Variants in FLI1 observed in about 807,000 individuals in gnomAD.
FLI1 encodes the protein Fli-1 proto-oncogene, ETS transcription factor, also known as Friend leukemia integration 1 transcription factor.
FLI1 carries 13 observed loss-of-function variants against 53.1 expected under a neutral mutation model. The ratio of observed to expected loss-of-function variants is 0.24; its 90% confidence interval spans 0.16 to 0.39. The LOEUF is 0.39. Among genes scored for constraint, FLI1 ranks in the 10% least tolerant of loss-of-function variants. The pLI is 1.00. For synonymous variants in FLI1, 244 were observed against 236.7 expected (o/e 1.03, Z -0.28); for missense variants, 424 against 600.5 (o/e 0.71, Z 3.07).
At chr11:128,787,492 T>C (rs1942125670) in intron 5 of FLI1, among the ~76,000 whole-genome samples, 1 of 152,176 alleles carries the variant, frequency 6.6e-6, no homozygotes, top group African/African-American at 2.4e-5. Flanking sequence ...GATTCTTTAA[T>C]ACTCTCAATT....
upstream of FLI1, among the ~76,000 whole-genome samples, chr11:128,690,960 A>G (rs1427167645): frequency 6.6e-6 from 1 of 152,126 alleles, no homozygotes; most frequent in Non-Finnish European, 1.5e-5. Context: ...GCCAGGAAAG[A>G]GGGTGTGCAC....
At chr11:128,784,329 CT>C (rs1942020994) in intron 5 of FLI1, among the ~76,000 whole-genome samples, 1 of 149,702 alleles carries the variant, frequency 6.7e-6, no homozygotes, top group African/African-American at 2.5e-5. Context: ...TCCCTTGGCC[CT>C]TTTGTGTTTA....
chr11:128,722,195 C>A (rs529951706), intron 1 of FLI1, among the ~76,000 whole-genome samples: 3 of 152,302 alleles, frequency 2.0e-5, no homozygotes. Flanking sequence ...TGACATTTGA[C>A]ACACGACTAT....
At chr11:128,729,773 A>T (rs964647268) in intron 1 of FLI1, among the ~76,000 whole-genome samples, 3 of 152,204 alleles carry the variant, frequency 2.0e-5, no homozygotes, top group Non-Finnish European at 4.4e-5. Context: ...CTGGAAGAGC[A>T]TGTCCCAGGT....
At chr11:128,795,916 C>T (rs1942428822) in intron 5 of FLI1, among the ~76,000 whole-genome samples, 1 of 152,188 alleles carries the variant, frequency 6.6e-6, no homozygotes, top group Non-Finnish European at 1.5e-5. Flanking sequence ...ATCCAGTGTG[C>T]TATTTGCTTT....
At chr11:128,786,962 A>C (rs1942105983) in intron 5 of FLI1, among the ~76,000 whole-genome samples, 1 of 152,228 alleles carries the variant, frequency 6.6e-6, no homozygotes, top group Non-Finnish European at 1.5e-5. Context: ...ACGGAAACTG[A>C]AAACCACAGC....
intron 1 of FLI1, among the ~76,000 whole-genome samples, chr11:128,715,722 G>A (rs189696997): frequency 7.9e-5 from 12 of 152,032 alleles, no homozygotes; most frequent in South Asian, 2.1e-4. Flanking sequence ...AATTCCACCC[G>A]TAAAGGTCAT....
At chr11:128,778,669 A>T (rs1490899367) in intron 4 of FLI1, among the ~76,000 whole-genome samples, 1 of 152,252 alleles carries the variant, frequency 6.6e-6, no homozygotes, top group Admixed American at 6.5e-5. Context: ...CACACCGTGC[A>T]TGTTCAGGGA....
chr11:128,782,389 G>A (rs971532186), intron 5 of FLI1, among the ~76,000 whole-genome samples: 1 of 152,076 alleles, frequency 6.6e-6, no homozygotes, highest in South Asian at 2.1e-4. Flanking sequence ...ACCTTTAAAG[G>A]TTTTTTTCCT....
intron 3 of FLI1, among the ~76,000 whole-genome samples, chr11:128,771,377 G>A (rs367866606): frequency 1.1e-4 from 16 of 152,302 alleles, no homozygotes; most frequent in South Asian, 8.3e-4. Context: ...CAGACTACTC[G>A]GGCCCTGCCA....
intron 1 of FLI1, among the ~76,000 whole-genome samples, chr11:128,742,257 G>A (rs903334204): frequency 5.3e-5 from 8 of 152,124 alleles, no homozygotes; most frequent in Non-Finnish European, 1.0e-4. Context: ...CATCAACAAC[G>A]CCATTAAAAT....
chr11:128,696,556 T>C (rs569053924), intron 1 of FLI1, among the ~76,000 whole-genome samples: 1 of 152,356 alleles, frequency 6.6e-6, no homozygotes, highest in South Asian at 2.1e-4. Flanking sequence ...CTAGGTTACC[T>C]CTACAGTAGT....
intron 2 of FLI1, among the ~76,000 whole-genome samples, chr11:128,760,035 C>T (rs1941046905): frequency 1.3e-5 from 2 of 152,170 alleles, no homozygotes; most frequent in African/African-American, 2.4e-5. Context: ...TCTCAGCCAC[C>T]TTTCCAGATC....
upstream of FLI1, among the ~76,000 whole-genome samples, chr11:128,689,598 C>T (rs1386469746): frequency 6.6e-6 from 1 of 152,148 alleles, no homozygotes; most frequent in Admixed American, 6.5e-5. Flanking sequence ...TTCAAGACCA[C>T]GGATCTGTTC....
At chr11:128,736,518 A>G (rs1227462587) in intron 1 of FLI1, among the ~76,000 whole-genome samples, 1 of 152,232 alleles carries the variant, frequency 6.6e-6, no homozygotes, top group Non-Finnish European at 1.5e-5. Context: ...GAACCTGGAA[A>G]GATTTCTTGA....
intron 3 of FLI1, among the ~76,000 whole-genome samples, chr11:128,770,435 C>T (rs893928422): frequency 3.3e-5 from 5 of 152,082 alleles, no homozygotes; most frequent in African/African-American, 1.2e-4. Context: ...GTGGAATAAC[C>T]GATTGAATTT....
At chr11:128,735,355 A>G (rs1403231153) in intron 1 of FLI1, among the ~76,000 whole-genome samples, 1 of 152,240 alleles carries the variant, frequency 6.6e-6, no homozygotes, top group Non-Finnish European at 1.5e-5. Flanking sequence ...CTGGCACCTC[A>G]GTGTATATTT....
At chr11:128,710,529 T>C (rs1055905201) in intron 1 of FLI1, among the ~76,000 whole-genome samples, 3 of 151,376 alleles carry the variant, frequency 2.0e-5, no homozygotes, top group African/African-American at 7.3e-5. Context: ...AAGACCGAGA[T>C]GCTGTATTGA....
At chr11:128,750,773 T>C (rs577952781) in intron 1 of FLI1, among the ~76,000 whole-genome samples, 2 of 152,344 alleles carry the variant, frequency 1.3e-5, no homozygotes, top group East Asian at 3.9e-4. Flanking sequence ...AAAACAAATG[T>C]TGGAAGACAC....
Sources: allele counts gnomAD v4.1 joint callset (sites outside exome capture counted in the v4.1 genomes callset), GRCh38; gene constraint gnomAD v4.1.1; transcripts MANE v1.5; gene names NCBI Gene and HGNC (gene_info 2026-07-23, HGNC 2026-07-21).